FAM83G: variants seen among roughly 807,000 people sequenced by gnomAD.
FAM83G encodes the protein scaffolding CK1 anchoring protein G, also known as protein FAM83G.
Under a neutral mutation model 61.5 loss-of-function variants are expected in FAM83G, and 38 were observed. The observed-to-expected ratio is 0.62, with a 90% CI of 0.48 to 0.81. The LOEUF is 0.81. FAM83G is among the 30% of genes least tolerant of loss of function. The pLI, the probability that FAM83G is intolerant of heterozygous loss-of-function variation, is 0.00. For synonymous variants in FAM83G, 470 were observed against 476.1 expected (o/e 0.99, Z 0.17); for missense variants, 989 against 1,133.6 (o/e 0.87, Z 1.83).
Position 19,003,598 on chromosome 17 carries a change from G to C in FAM83G, c.444C>G (p.Ser148Arg), listed in dbSNP as rs773807575. 5.0e-6 allele frequency: 8 copies of C among 1,610,074 alleles called. No homozygotes were observed. The highest frequency in any genetic ancestry group is 5.1e-6 in the Non-Finnish European group (6 of 1,178,354). Reference protein sequence around the residue: ...TIAYRGVTRASVYMQPPIDGQ... With the variant: ...TIAYRGVTRARVYMQPPIDGQ... ...CGTCTATGGGGGGCTGCATGTAGAC[G>C]CTAGCCCGGGTCACGCCGCGGTAGG... The change falls in exon 2 of 6, where the codon AGC becomes AGG. Residue 148 changes from serine to arginine, a missense_variant. Physicochemically the swap from Ser to Arg is moderately radical, Grantham distance 110 (BLOSUM62 -1). This residue lies in a region of FAM83G where 371 missense variants were observed against 404.5 expected (regional missense o/e 0.92). Coordinates refer to ENST00000388995, the MANE Select transcript of FAM83G (RefSeq NM_001039999.3). This position sits in a 1 kb window ranked among gnomAD's most constrained non-coding sequence, Gnocchi z 4.5.
intron 2 of FAM83G, among the ~76,000 whole-genome samples, chr17:18,999,459 T>C (rs1425318742): frequency 2.6e-5 from 4 of 152,004 alleles, no homozygotes; most frequent in African/African-American, 9.7e-5. Flanking sequence ...CCTCCAGATA[T>C]CAGTTCTGTG....
At chr17:18,994,061 G>A (rs2043500768) in intron 2 of FAM83G, among the ~76,000 whole-genome samples, 1 of 152,204 alleles carries the variant, frequency 6.6e-6, no homozygotes, top group South Asian at 2.1e-4. Flanking sequence ...CTGGAAGGCT[G>A]TAAGTGACGC....
chr17:18,971,468 G>C lies in FAM83G; in HGVS notation c.2363C>G (p.Ser788Cys), dbSNP rs746445194. ...TAGGTGCTTCGACTGAGACAGTTTGGAGTATGGGATTCCGAAGGGACTCGG... is the reference window on the plus strand; with the variant it reads ...TAGGTGCTTCGACTGAGACAGTTTGCAGTATGGGATTCCGAAGGGACTCGG... The part of the protein sequence containing the change: ...EHPSPFGIPY[S>C]KLSQSKHLKA... The change falls in exon 6 of 6, where the codon TCC becomes TGC. Residue 788 changes from serine (S) to cysteine (C), a missense_variant. Coordinates refer to ENST00000388995, the MANE Select transcript of FAM83G (RefSeq NM_001039999.3). The surrounding 1 kb of genome is among the most constrained non-coding windows in gnomAD (Gnocchi z 5.5). The C allele has an allele frequency of 6.2e-7, 1 of 1,614,010 alleles. No homozygotes were observed. The highest frequency in any genetic ancestry group is 1.1e-5 in the South Asian group (1 of 91,080).
At chr17:18,976,935 C>T (rs758459672) in intron 5 of FAM83G, 3 of 1,613,318 alleles carry the variant, frequency 1.9e-6, no homozygotes, top group Non-Finnish European at 2.5e-6. Flanking sequence ...CCTCAAGATG[C>T]TCCCCATGGG....
chr17:19,001,384 G>A (rs2043725954), intron 2 of FAM83G, among the ~76,000 whole-genome samples: 1 of 152,184 alleles, frequency 6.6e-6, no homozygotes, highest in Non-Finnish European at 1.5e-5. Context: ...CCCCACTGTG[G>A]GACCCTTGAG....
At chr17:18,976,791 G>A in intron 5 of FAM83G, 1 of 1,593,452 alleles carries the variant, frequency 6.3e-7, no homozygotes, top group South Asian at 1.1e-5. Flanking sequence ...GCCCACCAAG[G>A]ACCAATCCTG....
intron 3 of FAM83G, among the ~76,000 whole-genome samples, chr17:18,980,463 C>T (rs533454130): frequency 3.0e-4 from 45 of 152,306 alleles, no homozygotes; most frequent in Admixed American, 6.5e-4. Context: ...GGCCCCTCAA[C>T]TGCCTCAGCT....
chr17:18,999,051 G>T (rs1378512053), intron 2 of FAM83G, among the ~76,000 whole-genome samples: 2 of 152,322 alleles, frequency 1.3e-5, no homozygotes, highest in East Asian at 3.9e-4. Flanking sequence ...AGGCAGAGGC[G>T]GGTGGATCAC....
chr17:18,996,301 G>A lies in FAM83G; in HGVS notation c.522+7219C>T, dbSNP rs972872973. 6.6e-6 allele frequency among the ~76,000 whole-genome samples: 1 copy of A among 152,146 alleles called. No homozygotes were observed. The highest frequency in any genetic ancestry group is 1.5e-5 in the Non-Finnish European group (1 of 68,018). On this transcript the variant is annotated intron_variant, in intron 2 of 5. Transcript: ENST00000388995. This position sits in a 1 kb window ranked among gnomAD's most constrained non-coding sequence, Gnocchi z 4.4. Reference sequence around the variant, plus strand: ...AACCCCCTCCTCCAGCAGCACGGTTGGGACAGACGTGGCTGCAGCACCTCA... The same window carrying A: ...AACCCCCTCCTCCAGCAGCACGGTTAGGACAGACGTGGCTGCAGCACCTCA...
At position 18,978,463 on chromosome 17, in the gene FAM83G, G is replaced by A; in HGVS notation, c.1203C>T (p.His401=). The stretch of plus-strand genomic sequence containing the variant: ...ACTCAAACATGTTGGCCCTCTCCAG[G>A]TGAAGCAGTCCTGGGTGGATGGGTG... ...LLPPIHPGLL[H]LERANMFEYL... The change falls in exon 5 of 6, where the codon CAC becomes CAT. Residue 401 remains histidine (H), a synonymous_variant. Transcript: ENST00000388995. 6.2e-7 allele frequency: 1 copy of A among 1,609,652 alleles called. No individual in the cohort carries two copies. The highest frequency in any genetic ancestry group is 2.2e-5 in the East Asian group (1 of 44,772).
At chr17:18,981,928 T>C (rs1280141215) in intron 3 of FAM83G, among the ~76,000 whole-genome samples, 1 of 152,168 alleles carries the variant, frequency 6.6e-6, no homozygotes, top group Admixed American at 6.5e-5. Flanking sequence ...AGGCCTTCCC[T>C]GTCACTGAGC....
At position 18,984,133 on chromosome 17, in the gene FAM83G, C is replaced by G. The variant is rs998319283; in HGVS notation, c.690+4114G>C. On this transcript the variant is annotated intron_variant, in intron 3 of 5. Transcript: ENST00000388995. ...CGAGGCGGGCGGATCACGAGGTCAG[C>G]AGATCGAGACCATCCTGGCTAACAC... 1.3e-4 allele frequency among the ~76,000 whole-genome samples: 20 copies of G among 152,036 alleles called. No individual in the cohort carries two copies. In the South Asian group the frequency reaches 1.7e-3, roughly 13 times the overall value.
intron 5 of FAM83G, among the ~76,000 whole-genome samples, chr17:18,972,794 G>A (rs1227432788): frequency 6.6e-6 from 1 of 151,930 alleles, no homozygotes; most frequent in African/African-American, 2.4e-5. Flanking sequence ...CCCAGGAGGT[G>A]GAGTTGACAG....
chr17:19,000,497 CAG>C lies in FAM83G; in HGVS notation c.522+3021_522+3022del, dbSNP rs2043703279. On this transcript the variant is annotated intron_variant, in intron 2 of 5. Transcript: ENST00000388995. This position sits in a 1 kb window ranked among gnomAD's most constrained non-coding sequence, Gnocchi z 5.2. ...TAGTTCCATTCTAGTCATTTGGGAA[CAG>C]GGGGGACTGACAGCAGTCCTGACAG... is the stretch of plus-strand genomic sequence containing the variant. 6.6e-6 allele frequency among the ~76,000 whole-genome samples: 1 copy of C among 152,154 alleles called. No homozygotes were observed. The highest frequency in any genetic ancestry group is 1.5e-5 in the Non-Finnish European group (1 of 68,016).
intron 5 of FAM83G, among the ~76,000 whole-genome samples, chr17:18,972,658 C>T (rs1480316241): frequency 3.9e-5 from 6 of 152,068 alleles, no homozygotes; most frequent in South Asian, 2.1e-4. Flanking sequence ...GTCAGGAGAT[C>T]GAGACCATCC....
Position 18,976,640 on chromosome 17 carries a change from T to C in FAM83G, c.2082+944A>G, listed in dbSNP as rs904584761. 22 of 589,632 alleles carry C rather than the reference T, an allele frequency of 3.7e-5. No homozygotes were observed. The Admixed American group carries it at 4.9e-4, about 13-fold the overall frequency. 36.5% of individuals were successfully genotyped at this position (589,632 alleles called of 1,614,324 possible). ...AGGGGACTGAGTCCCTGGGAATGAG[T>C]GTACCTCGGCTCTCGCTGCTTGGCC... On this transcript the variant is annotated intron_variant, in intron 5 of 5. Coordinates refer to ENST00000388995, the MANE Select transcript of FAM83G (RefSeq NM_001039999.3).
Position 18,970,763 on chromosome 17 carries a change from G to C in FAM83G, c.*596C>G, listed in dbSNP as rs1261131521. 5.8e-6 allele frequency: 3 copies of C among 521,718 alleles called. No homozygotes were observed. The highest frequency in any genetic ancestry group is 1.0e-5 in the Non-Finnish European group (3 of 289,398). 32.3% of individuals were successfully genotyped at this position (521,718 alleles called of 1,614,324 possible). ...TCCTGCTGGGCCAGCGGGACACTGGGGTGCCCATGTGCAAAATGCTTACTT... is the reference window on the plus strand; with the variant it reads ...TCCTGCTGGGCCAGCGGGACACTGGCGTGCCCATGTGCAAAATGCTTACTT... On this transcript the variant is annotated 3_prime_UTR_variant, in exon 6 of 6. Transcript: ENST00000388995.
At position 19,003,178 on chromosome 17, in the gene FAM83G, G is replaced by A. The variant is rs1229040161; in HGVS notation, c.522+342C>T. ...TTACAGTGAATCAGAGCCACTCTAA[G>A]GGAGAGTGAGAGGAAGCCCTGGGGT... On this transcript the variant is annotated intron_variant, in intron 2 of 5. Coordinates refer to ENST00000388995, the MANE Select transcript of FAM83G (RefSeq NM_001039999.3). This position sits in a 1 kb window ranked among gnomAD's most constrained non-coding sequence, Gnocchi z 4.5. 2.7e-5 allele frequency among the ~76,000 whole-genome samples: 4 copies of A among 150,732 alleles called. No homozygotes were observed. The highest frequency in any genetic ancestry group is 5.9e-5 in the Non-Finnish European group (4 of 67,714).
chr17:18,973,886 T>TG (rs2152004542), intron 5 of FAM83G, among the ~76,000 whole-genome samples: 1 of 107,650 alleles, frequency 9.3e-6, no homozygotes, highest in African/African-American at 4.2e-5. Context: ...TTTTTTAAGT[T>TG]TTTTTTTTTT....
Sources: gnomAD v4.1 joint callset for allele counts (sites outside exome capture counted in the v4.1 genomes callset) on GRCh38, gnomAD v4.1.1 for gene constraint, gnomAD v4.1.1 regional missense constraint, Gnocchi (gnomAD v3.1) non-coding constraint, MANE v1.5 for transcripts, NCBI Gene and HGNC (gene_info 2026-07-23, HGNC 2026-07-21) for gene names.